IMPDH1: variants seen among roughly 807,000 people sequenced by gnomAD.
IMPDH1 encodes the protein inosine-5'-monophosphate dehydrogenase 1.
A neutral mutation model predicts 73.5 loss-of-function variants in IMPDH1; 41 were observed. The ratio of observed to expected loss-of-function variants is 0.56; its 90% CI spans 0.43 to 0.72. The LOEUF (loss-of-function observed/expected upper bound fraction) is 0.72. Ranked by LOEUF, IMPDH1 falls within the 30% of genes least tolerant of loss-of-function variation. The pLI, the probability that IMPDH1 is intolerant of heterozygous loss-of-function variation, is 0.00. For synonymous variants in IMPDH1, 318 were observed against 334.3 expected (o/e 0.95, Z 0.53); for missense variants, 645 against 824.8 (o/e 0.78, Z 2.67).
At position 128,406,157 on chromosome 7, in the gene IMPDH1, G is replaced by A. The variant is rs1472083317; in HGVS notation, c.255-292C>T. 6.1e-5 allele frequency among the ~76,000 whole-genome samples: 9 copies of A among 148,020 alleles called. No individual in the cohort carries two copies. In the South Asian group the frequency reaches 1.7e-3, roughly 28 times the overall value. The stretch of plus-strand genomic sequence containing the variant: ...CACGCCCCCAGCTGCCTGCAGCGGC[G>A]CTGCGACCCCGCAAGCCCGGACCGG... On this transcript the variant is annotated intron_variant, in intron 3 of 16. Transcript: ENST00000338791.
chr7:128,403,419 G>A (rs1002753498), intron 5 of IMPDH1, among the ~76,000 whole-genome samples: 4 of 152,146 alleles, frequency 2.6e-5, no homozygotes, highest in Non-Finnish European at 4.4e-5. Flanking sequence ...TTATCGGGGG[G>A]TTTTGGCATG....
chr7:128,394,760 T>C lies in IMPDH1; in HGVS notation c.1550+129A>G. The C allele has an allele frequency of 7.1e-7, 1 of 1,415,598 alleles. No homozygotes were observed. The highest frequency in any genetic ancestry group is 9.8e-7 in the Non-Finnish European group (1 of 1,015,458). The allele number at this position is 1,415,598 out of a possible 1,614,324, so 87.7% of individuals were successfully genotyped here. The stretch of plus-strand genomic sequence containing the variant: ...AGGGACAGATCCTGGGTCTGCTACT[T>C]AAGCCCTGTGCCTCAGTTTCCAGAA... On this transcript the variant is annotated intron_variant, in intron 14 of 16. Coordinates refer to ENST00000338791, the MANE Select transcript of IMPDH1 (RefSeq NM_000883.4). The surrounding 1 kb of genome is among the most constrained non-coding windows in gnomAD (Gnocchi z 5.5).
intron 8 of IMPDH1, 25 bp from the exon 9 acceptor site, chr7:128,400,207 G>T: frequency 6.2e-7 from 1 of 1,613,552 alleles, no homozygotes. Context: ...ACATTTGCCT[G>T]CAGGTTGGCA....
In IMPDH1 at chr7:128,409,801, T is replaced by C; in HGVS notation, c.101A>G (p.Gln34Arg). 1 of 1,502,030 alleles carries C rather than the reference T, an allele frequency of 6.7e-7. No individual in the cohort carries two copies. Among genetic ancestry groups the C allele is most frequent in the Admixed American group, 2.1e-5 (1 of 46,946 alleles). The allele number at this position is 1,502,030 out of a possible 1,614,324, so 93.0% of individuals were successfully genotyped here. A position where few individuals can be genotyped will look rare whatever the true frequency, so the allele number is the denominator to read the frequency against. ...RQHPGHETAA[Q>R]RYSARLLQAG... is the part of the protein sequence containing the mutation. ...CTGCAGCAGTCGGGCGCTGTACCGC[T>C]GCGCCGCCGTCTCGTGTCCCGGGTG... The change falls in exon 1 of 17, where the codon CAG becomes CGG. Residue 34 changes from glutamine to arginine, a missense_variant. Physicochemically the swap from Gln to Arg is conservative, Grantham distance 43. Coordinates refer to ENST00000338791, the MANE Select transcript of IMPDH1 (RefSeq NM_000883.4).
chr7:128,407,455 G>A (rs528923274), intron 3 of IMPDH1, among the ~76,000 whole-genome samples: 203 of 152,312 alleles, frequency 1.3e-3, no homozygotes, highest in Non-Finnish European at 2.4e-3. Flanking sequence ...CAGGGAGCCC[G>A]GGCCACATGG....
chr7:128,403,801 A>T (rs933091391), intron 4 of IMPDH1, 47 bp from the exon 5 acceptor site: 27 of 1,542,344 alleles, frequency 1.8e-5, no homozygotes, highest in Non-Finnish European at 2.4e-5. Context: ...GGGGTGCCCC[A>T]AAGGGGCAGA....
intron 3 of IMPDH1, 27 bp downstream of exon 3, chr7:128,409,262 A>C: frequency 1.3e-6 from 2 of 1,597,578 alleles, no homozygotes; most frequent in Non-Finnish European, 1.7e-6. Flanking sequence ...ATCTCAGTGC[A>C]TGGTGAGGAG....
Position 128,405,751 on chromosome 7 carries a change from G to T in IMPDH1, c.353+16C>A. ...CGTGGATGCGCGCACCTAGGGGTAC[G>T]AGACCCGGCGCTTACTTGTAGGTGA... On this transcript the variant is annotated intron_variant, in intron 4 of 16. Transcript: ENST00000338791. The T allele has an allele frequency of 6.5e-7, 1 of 1,533,082 alleles. No individual in the cohort carries two copies. 95.0% of individuals were successfully genotyped at this position (1,533,082 alleles called of 1,614,324 possible).
intron 9 of IMPDH1, among the ~76,000 whole-genome samples, chr7:128,399,199 A>G (rs1347031588): frequency 6.6e-6 from 1 of 151,538 alleles, no homozygotes; most frequent in Non-Finnish European, 1.5e-5. Flanking sequence ...CCCCATCTCT[A>G]CTAAAAATAC....
chr7:128,395,083 C>T lies in IMPDH1; in HGVS notation c.1405+48G>A, dbSNP rs756261285. On this transcript the variant is annotated intron_variant, in intron 13 of 16. Transcript: ENST00000338791. Reference sequence around the variant, plus strand: ...CTCCAGCCCACTAGTGCCACCCCCCCAGCTTCCAGCCCTCGCCTGCCCAAT... The same window carrying T: ...CTCCAGCCCACTAGTGCCACCCCCCTAGCTTCCAGCCCTCGCCTGCCCAAT... 21 of 1,613,426 alleles carry T rather than the reference C, an allele frequency of 1.3e-5. No individual in the cohort carries two copies. The South Asian group carries it at 2.1e-4, about 16-fold the overall frequency.
At chr7:128,405,449 G>A (rs998236761) in intron 4 of IMPDH1, among the ~76,000 whole-genome samples, 5 of 152,218 alleles carry the variant, frequency 3.3e-5, no homozygotes, top group African/African-American at 7.2e-5. Flanking sequence ...CAGCGGCTGG[G>A]AAAAGTCTCC....
chr7:128,405,737 G>A (rs1453580559), intron 4 of IMPDH1, 30 bp downstream of exon 4: 6 of 1,522,002 alleles, frequency 3.9e-6, no homozygotes, highest in Admixed American at 2.0e-5. Context: ...GTGGATGCGC[G>A]CACCTAGGGG....
rs1399500323 is a variant in IMPDH1, at chr7:128,396,459, T to G, written c.1261+141A>C. 4.1e-6 allele frequency: 3 copies of G among 732,720 alleles called. No homozygotes were observed. Among genetic ancestry groups the G allele is most frequent in the African/African-American group, 3.5e-5 (2 of 57,568 alleles). The allele number at this position is 732,720 out of a possible 1,614,324, so 45.4% of individuals were successfully genotyped here. On this transcript the variant is annotated intron_variant, in intron 12 of 16. Transcript: ENST00000338791. The surrounding 1 kb of genome is among the most constrained non-coding windows in gnomAD (Gnocchi z 4.0). Reference sequence around the variant, plus strand: ...CCTTCCCCTAAGTCAGTGGGCCCGATGGGGTGGGGCCCATGCCTGGGTCAC... The same window carrying G: ...CCTTCCCCTAAGTCAGTGGGCCCGAGGGGGTGGGGCCCATGCCTGGGTCAC...
At chr7:128,401,572 G>A (rs948863884) in intron 5 of IMPDH1, among the ~76,000 whole-genome samples, 84 of 152,252 alleles carry the variant, frequency 5.5e-4, no homozygotes, top group Non-Finnish European at 1.5e-5. Context: ...GAAGGCAGGG[G>A]CAGCATGCAT....
At chr7:128,397,125 T>A in intron 10 of IMPDH1, 103 bp from the exon 11 acceptor site, 1 of 798,566 alleles carries the variant, frequency 1.3e-6, no homozygotes, top group Non-Finnish European at 2.2e-6. Context: ...TGAAAACTGT[T>A]ATGAGAATGC....
At chr7:128,408,323 G>A (rs758831652) in intron 3 of IMPDH1, among the ~76,000 whole-genome samples, 4 of 152,204 alleles carry the variant, frequency 2.6e-5, no homozygotes, top group Non-Finnish European at 5.9e-5. Context: ...GGGAAGATGG[G>A]GGAAGGGCAG....
At chr7:128,409,668 C>T in intron 1 of IMPDH1, 88 bp downstream of exon 1, 1 of 1,512,886 alleles carries the variant, frequency 6.6e-7, no homozygotes. Flanking sequence ...TGCCCCTCCC[C>T]CGCAGCGTCG....
Position 128,400,466 on chromosome 7 carries a change from G to A in IMPDH1, c.653C>T (p.Ala218Val). The A allele has an allele frequency of 6.2e-7, 1 of 1,612,542 alleles. No homozygotes were observed. Among genetic ancestry groups the A allele is most frequent in the Non-Finnish European group, 8.5e-7 (1 of 1,179,982 alleles). Residue 218 changes from alanine (A) to valine (V), a missense_variant, in exon 8 of 17, where the codon GCC becomes GTC. By Grantham distance (64) the Ala-to-Val change is moderately conservative (BLOSUM62 0). Around this residue, in one of 2 missense-constraint regions of IMPDH1, gnomAD observed 459 missense variants for 638.2 expected, o/e 0.72. Transcript: ENST00000338791. Reference protein sequence around the residue: ...PSHTVGDVLEAKMRHGFSGIP... With the variant: ...PSHTVGDVLEVKMRHGFSGIP... ...GCCAGAGAAGCCATGCCGCATCTTG[G>A]CCTCCAGCACATCGCCCACAGTGTG...
At chr7:128,405,951 C>G in intron 3 of IMPDH1, 86 bp from the exon 4 acceptor site, 1 of 1,238,188 alleles carries the variant, frequency 8.1e-7, no homozygotes, top group South Asian at 1.6e-5. Context: ...CTGCTGACGC[C>G]GCGCCGCGGC....
Sources: allele counts gnomAD v4.1 joint callset (sites outside exome capture counted in the v4.1 genomes callset), GRCh38; gene constraint gnomAD v4.1.1; regional missense constraint gnomAD v4.1.1; non-coding constraint Gnocchi (gnomAD v3.1); transcripts MANE v1.5; gene names NCBI Gene and HGNC (gene_info 2026-07-23, HGNC 2026-07-21).